Variants in KDM4C observed in about 807,000 individuals in gnomAD.
KDM4C encodes lysine demethylase 4C, also known as lysine-specific demethylase 4C.
KDM4C carries 81 observed loss-of-function variants against 129.3 expected under a neutral mutation model. The ratio of observed to expected loss-of-function variants is 0.63; its 90% confidence interval spans 0.52 to 0.75. The LOEUF (loss-of-function observed/expected upper bound fraction) is 0.75. KDM4C is among the 30% of genes least tolerant of loss of function. The pLI is 0.00. For synonymous variants in KDM4C, 573 were observed against 456.1 expected, an observed-to-expected ratio of 1.26 and a Z score of -3.26; for missense variants, 1,457 against 1,304.0, an observed-to-expected ratio of 1.12 and a Z score of -1.81.
chr9:6,796,167 T>C (rs7851954), intron 2 of KDM4C, among the ~76,000 whole-genome samples: 96,143 of 152,030 alleles, frequency 0.63, 30,786 homozygotes, highest in African/African-American at 0.72. Flanking sequence ...TCATTTGGGC[T>C]GGGTGTGGGG....
chr9:6,741,479 C>T (rs1336446678), intron 1 of KDM4C, among the ~76,000 whole-genome samples: 2 of 152,044 alleles, frequency 1.3e-5, no homozygotes, highest in Non-Finnish European at 1.5e-5. Flanking sequence ...GGGTATTTAG[C>T]CTTTTTATTG....
chr9:6,977,869 C>T (rs1406632466), intron 8 of KDM4C, among the ~76,000 whole-genome samples: 1 of 152,116 alleles, frequency 6.6e-6, no homozygotes, highest in East Asian at 1.9e-4. Context: ...CCACTATGCA[C>T]TTACTTCCCC....
chr9:6,870,273 G>T (rs184933306), intron 5 of KDM4C, among the ~76,000 whole-genome samples: 194 of 152,108 alleles, frequency 1.3e-3, no homozygotes, highest in Admixed American at 3.9e-3. Context: ...TGTAAGGGGG[G>T]TTTTTCCCTT....
At chr9:7,017,613 A>G (rs1823921906) in intron 15 of KDM4C, among the ~76,000 whole-genome samples, 2 of 152,172 alleles carry the variant, frequency 1.3e-5, no homozygotes, top group South Asian at 4.1e-4. Flanking sequence ...ATTGTCTTTC[A>G]AGAGGAATCA....
chr9:6,929,469 TTC>T (rs1352947874), intron 8 of KDM4C, among the ~76,000 whole-genome samples: 1 of 130,524 alleles, frequency 7.7e-6, no homozygotes, highest in African/African-American at 3.0e-5. Flanking sequence ...GTTTGACTTT[TTC>T]TTTTTTTTTT....
intron 8 of KDM4C, among the ~76,000 whole-genome samples, chr9:6,934,861 A>T (rs1444800905): frequency 6.6e-6 from 1 of 151,402 alleles, no homozygotes; most frequent in Non-Finnish European, 1.5e-5. Context: ...AGTTGTTAAT[A>T]TTCAGGATTA....
chr9:7,052,855 C>T (rs1830334486), intron 17 of KDM4C, among the ~76,000 whole-genome samples: 1 of 18,966 alleles, frequency 5.3e-5, no homozygotes, highest in Non-Finnish European at 1.1e-4. Flanking sequence ...GAGCTCTGGC[C>T]ACACCTGCAG....
At chr9:6,893,344 T>C (rs1846375109) in intron 8 of KDM4C, 112 bp downstream of exon 8, 1 of 763,738 alleles carries the variant, frequency 1.3e-6, no homozygotes, top group Non-Finnish European at 2.0e-6. Context: ...TGGCGCCATG[T>C]GCCTCTCACC....
At chr9:7,058,494 A>T (rs566121477) in intron 17 of KDM4C, among the ~76,000 whole-genome samples, 12 of 152,194 alleles carry the variant, frequency 7.9e-5, no homozygotes, top group Non-Finnish European at 1.8e-4. Flanking sequence ...AAAATTCTTG[A>T]AGATCTAGCA....
chr9:7,045,324 C>A (rs1829238154), intron 15 of KDM4C, among the ~76,000 whole-genome samples: 1 of 152,028 alleles, frequency 6.6e-6, no homozygotes, highest in Admixed American at 6.6e-5. Context: ...CAGTCCACAA[C>A]TCTTTGCTGC....
rs564053640 is a variant in KDM4C, at chr9:6,835,086, C to T, written c.436-14421C>T. On this transcript the variant is annotated intron_variant, in intron 4 of 21. Transcript: ENST00000381309. ...CTGAGTGGGATATCGTGCGTGACAT[C>T]AAGGAGAAGCTGTGCTATGTTGCTC... 114 of 992,584 alleles carry T rather than the reference C, an allele frequency of 1.1e-4. No individual in the cohort carries two copies. The African/African-American group carries it at 1.6e-3, about 14-fold the overall frequency. 61.5% of individuals were successfully genotyped at this position (992,584 alleles called of 1,614,324 possible). A position where few individuals can be genotyped will look rare whatever the true frequency, so the allele number is the denominator to read the frequency against.
At position 7,088,679 on chromosome 9, in the gene KDM4C, G is replaced by A. The variant is rs150018988; in HGVS notation, c.2425-15006G>A. 3.8e-3 allele frequency among the ~76,000 whole-genome samples: 572 copies of A among 152,200 alleles called. 19 individuals are homozygous for A. Among genetic ancestry groups the A allele is most frequent in the Admixed American group, 0.034 (526 of 15,278 alleles). The stretch of plus-strand genomic sequence containing the variant: ...GAGGTGCATTGTCTTCCTGTATTCC[G>A]TATGTGAGAGATTTGTCGCCATTTC... On this transcript the variant is annotated intron_variant, in intron 17 of 21. Coordinates refer to ENST00000381309, the MANE Select transcript of KDM4C (RefSeq NM_015061.6).
chr9:6,993,189 G>A (rs2760659), intron 12 of KDM4C, among the ~76,000 whole-genome samples: 40,583 of 151,832 alleles, frequency 0.27, 5,943 homozygotes, highest in Non-Finnish European at 0.32. Context: ...GGAGAAGAGG[G>A]GGCTATGTAA....
intron 8 of KDM4C, among the ~76,000 whole-genome samples, chr9:6,961,813 A>T (rs1830101918): frequency 6.6e-6 from 1 of 152,192 alleles, no homozygotes; most frequent in African/African-American, 2.4e-5. Flanking sequence ...TTTCCATATT[A>T]TTGCATCTTC....
intron 8 of KDM4C, among the ~76,000 whole-genome samples, chr9:6,929,271 A>G (rs1225049429): frequency 6.6e-6 from 1 of 152,172 alleles, no homozygotes; most frequent in Non-Finnish European, 1.5e-5. Context: ...CTTTTGTTCA[A>G]TAAATCTTGA....
intron 12 of KDM4C, among the ~76,000 whole-genome samples, chr9:7,007,306 G>T (rs1821852898): frequency 6.6e-6 from 1 of 151,692 alleles, no homozygotes; most frequent in African/African-American, 2.4e-5. Flanking sequence ...CAATGTTTTT[G>T]TAAAAATCTT....
chr9:6,849,782 T>C (rs1838500278), intron 5 of KDM4C, 82 bp downstream of exon 5: 1 of 1,144,044 alleles, frequency 8.7e-7, no homozygotes. Context: ...ATTTTGTTCT[T>C]TGATTTGGTG....
At chr9:6,745,786 C>T (rs142681545) in intron 1 of KDM4C, among the ~76,000 whole-genome samples, 2 of 149,944 alleles carry the variant, frequency 1.3e-5, no homozygotes, top group Non-Finnish European at 3.0e-5. Flanking sequence ...CTAGTGCATG[C>T]CACCATGCCT....
At chr9:6,961,831 A>G (rs1830105200) in intron 8 of KDM4C, among the ~76,000 whole-genome samples, 1 of 152,230 alleles carries the variant, frequency 6.6e-6, no homozygotes, top group African/African-American at 2.4e-5. Context: ...TTCTCAATAG[A>G]AATTGCCATC....
Sources: allele counts gnomAD v4.1 joint callset (sites outside exome capture counted in the v4.1 genomes callset), GRCh38; gene constraint gnomAD v4.1.1; transcripts MANE v1.5; gene names NCBI Gene and HGNC (gene_info 2026-07-23, HGNC 2026-07-21).